NSFL1C: variants seen among roughly 807,000 people sequenced by gnomAD.
NSFL1C encodes NSFL1 cofactor p47.
NSFL1C carries 14 observed loss-of-function variants against 43.1 expected under a neutral mutation model. The ratio of observed to expected loss-of-function variants is 0.32; its 90% CI spans 0.21 to 0.51. NSFL1C has a LOEUF of 0.51. Ranked by LOEUF, NSFL1C falls within the 20% of genes least tolerant of loss-of-function variation. NSFL1C has a pLI of 0.98. For synonymous variants in NSFL1C, 171 were observed against 183.5 expected (o/e 0.93, Z 0.55); for missense variants, 406 against 472.5 (o/e 0.86, Z 1.30).
At chr20:1,465,236 C>G (rs1446796930) in intron 1 of NSFL1C, among the ~76,000 whole-genome samples, 1 of 152,236 alleles carries the variant, frequency 6.6e-6, no homozygotes, top group East Asian at 1.9e-4. Flanking sequence ...ATGAAATAGA[C>G]ATGGCCTCTG....
chr20:1,461,559 A>C (rs532981911), intron 2 of NSFL1C, among the ~76,000 whole-genome samples: 1 of 152,320 alleles, frequency 6.6e-6, no homozygotes, highest in Non-Finnish European at 1.5e-5. Flanking sequence ...AATGAGGAAA[A>C]GGGAATCAGA....
chr20:1,456,180 C>G (rs989218649), intron 3 of NSFL1C: 1 of 180,754 alleles, frequency 5.5e-6, no homozygotes, highest in African/African-American at 2.4e-5. Flanking sequence ...ACAAGGACAA[C>G]AGTACCAGTG....
chr20:1,451,091 C>T (rs912202374), intron 7 of NSFL1C, among the ~76,000 whole-genome samples: 22 of 151,108 alleles, frequency 1.5e-4, no homozygotes, highest in Admixed American at 5.9e-4. Flanking sequence ...TTTTAATAAT[C>T]AAAGAAAAAA....
In NSFL1C at chr20:1,464,322, C is replaced by G. The variant is rs1379692444; in HGVS notation, c.203+7G>C. 6.2e-7 allele frequency: 1 copy of G among 1,612,868 alleles called. No individual in the cohort carries two copies. The highest frequency in any genetic ancestry group is 2.2e-5 in the East Asian group (1 of 44,880). ...CTCATGTAGCGATAATTGAAGCTGG[C>G]CCTTACCTGGGGGCTGTGCCTCTGG... On this transcript the variant is annotated splice_region_variant and intron_variant, in intron 2 of 8. Transcript: ENST00000216879.
Position 1,466,842 on chromosome 20 carries a change from TC to T in NSFL1C, c.-19del, listed in dbSNP as rs746533116. 6 of 1,517,986 alleles carry T rather than the reference TC, an allele frequency of 4.0e-6. No homozygotes were observed. The South Asian group carries it at 7.3e-5, about 19-fold the overall frequency. 94.0% of individuals were successfully genotyped at this position (1,517,986 alleles called of 1,614,324 possible). The stretch of plus-strand genomic sequence containing the variant: ...GCCGCCATCTTCGCCCCGTGCGCCT[TC>T]CAAAGCGCTCCGGCGGCCGCCGCAC... On this transcript the variant is annotated 5_prime_UTR_variant, in exon 1 of 9. Coordinates refer to ENST00000216879, the MANE Select transcript of NSFL1C (RefSeq NM_016143.5).
At chr20:1,459,228 C>T (rs922396736) in intron 2 of NSFL1C, among the ~76,000 whole-genome samples, 1 of 152,190 alleles carries the variant, frequency 6.6e-6, no homozygotes, top group African/African-American at 2.4e-5. Context: ...GGACCTGGAT[C>T]ATGCAGGTGG....
chr20:1,453,040 A>G lies in NSFL1C; in HGVS notation c.638T>C (p.Ile213Thr). 6.2e-7 allele frequency: 1 copy of G among 1,603,892 alleles called. No homozygotes were observed. The highest frequency in any genetic ancestry group is 8.5e-7 in the Non-Finnish European group (1 of 1,170,608). ...DPSNAQFLES[I>T]RRGEVPAELR... is the part of the protein sequence containing the mutation. ...GGGCTTTTTCACTCACCCTCTGCGG[A>G]TAGACTCCAGAAACTGGGCATTGGA... Residue 213 changes from isoleucine (I) to threonine (T), a missense_variant, in exon 6 of 9, where the codon ATC becomes ACC. Ile to Thr is a moderately conservative substitution (Grantham distance 89, BLOSUM62 -1). Coordinates refer to ENST00000216879, the MANE Select transcript of NSFL1C (RefSeq NM_016143.5).
At position 1,466,779 on chromosome 20, in the gene NSFL1C, T is replaced by A; in HGVS notation, c.46A>T (p.Thr16Ser). The A allele has an allele frequency of 6.4e-7, 1 of 1,561,130 alleles. No homozygotes were observed. Among genetic ancestry groups the A allele is most frequent in the Non-Finnish European group, 8.7e-7 (1 of 1,155,534 alleles). Residue 16 changes from threonine (T) to serine (S), a missense_variant, in exon 1 of 9, where the codon ACG becomes TCG. Physicochemically the swap from Thr to Ser is moderately conservative, Grantham distance 58. Transcript: ENST00000216879. ...CGGGCCCGGTCCTCCTCGGCGCCCGTCACCGCCACGAACTCCCTCAGCGCC... is the reference window on the plus strand; with the variant it reads ...CGGGCCCGGTCCTCCTCGGCGCCCGACACCGCCACGAACTCCCTCAGCGCC... ...QEALREFVAV[T>S]GAEEDRARFF...
chr20:1,447,961 C>G (rs1014659980), intron 7 of NSFL1C, among the ~76,000 whole-genome samples: 3 of 152,190 alleles, frequency 2.0e-5, no homozygotes, highest in African/African-American at 7.2e-5. Context: ...AATGAACAAG[C>G]CTCCTTTCAG....
chr20:1,447,209 CA>C (rs1205620961), intron 7 of NSFL1C, among the ~76,000 whole-genome samples: 1 of 152,132 alleles, frequency 6.6e-6, no homozygotes, highest in Non-Finnish European at 1.5e-5. Flanking sequence ...ATGTGGGACT[CA>C]AAAAGTGTGG....
intron 1 of NSFL1C, among the ~76,000 whole-genome samples, chr20:1,464,847 A>C (rs569612803): frequency 6.6e-6 from 1 of 152,200 alleles, no homozygotes; most frequent in East Asian, 1.9e-4. Context: ...CTGAGGATTA[A>C]AAAAAAATTT....
intron 1 of NSFL1C, 120 bp downstream of exon 1, chr20:1,466,600 G>C (rs2090518265): frequency 1.1e-5 from 10 of 947,950 alleles, no homozygotes; most frequent in Non-Finnish European, 1.5e-5. Flanking sequence ...CATGAGGCCT[G>C]GGTCGGGCCG....
chr20:1,461,070 T>C (rs2090400336), intron 2 of NSFL1C, among the ~76,000 whole-genome samples: 1 of 152,194 alleles, frequency 6.6e-6, no homozygotes, highest in Non-Finnish European at 1.5e-5. Context: ...AGCGAAATGG[T>C]AAGCACCTTA....
intron 7 of NSFL1C, 122 bp from the exon 8 acceptor site, chr20:1,445,952 C>A: frequency 9.3e-7 from 1 of 1,076,532 alleles, no homozygotes; most frequent in Non-Finnish European, 1.4e-6. Flanking sequence ...TGCTGCTGAT[C>A]TATTGACCCA....
At chr20:1,453,435 C>T (rs74606345) in intron 5 of NSFL1C, among the ~76,000 whole-genome samples, 7,447 of 152,254 alleles carry the variant, frequency 0.049, 215 homozygotes, top group Non-Finnish European at 0.062. Context: ...GTGACTCAAT[C>T]GACGCTTTGC....
chr20:1,445,868 C>T, intron 7 of NSFL1C, 38 bp from the exon 8 acceptor site: 1 of 1,605,402 alleles, frequency 6.2e-7, no homozygotes. Context: ...CAAGCAGAAA[C>T]AAGGCCCCTA....
intron 8 of NSFL1C, among the ~76,000 whole-genome samples, chr20:1,445,205 C>T (rs758904210): frequency 6.6e-6 from 1 of 152,178 alleles, no homozygotes; most frequent in Non-Finnish European, 1.5e-5. Context: ...TTCTCGACAG[C>T]CAGATCTAGA....
intron 8 of NSFL1C, among the ~76,000 whole-genome samples, chr20:1,444,322 A>G (rs1340726510): frequency 6.6e-6 from 1 of 152,118 alleles, no homozygotes; most frequent in African/African-American, 2.4e-5. Flanking sequence ...AGCCCTCCTT[A>G]GCTCCTTGGC....
chr20:1,458,842 T>C (rs2090354539), intron 2 of NSFL1C, among the ~76,000 whole-genome samples: 1 of 151,936 alleles, frequency 6.6e-6, no homozygotes, highest in Admixed American at 6.6e-5. Context: ...AATGAATGAA[T>C]ACGAGGGTGA....
Sources: allele counts gnomAD v4.1 joint callset (sites outside exome capture counted in the v4.1 genomes callset), GRCh38; gene constraint gnomAD v4.1.1; transcripts MANE v1.5; gene names NCBI Gene and HGNC (gene_info 2026-07-23, HGNC 2026-07-21).